TOP6BL: variants seen among roughly 807,000 people sequenced by gnomAD.
The protein encoded by TOP6BL is TOP6B like initiator of meiotic double strand breaks.
At chr11:66,757,231 T>A in the TOP6BL span, among the ~76,000 whole-genome samples, 1 of 152,034 alleles carries the variant, frequency 6.6e-6, no homozygotes, top group Non-Finnish European at 1.5e-5. Context: ...TAATCCCAGC[T>A]ACCCAGGAGG....
chr11:66,843,172 G>C, the TOP6BL span: 1 of 1,611,230 alleles, frequency 6.2e-7, no homozygotes, highest in African/African-American at 1.3e-5. Flanking sequence ...CCCGCAGGAC[G>C]TGCTGTGGCT....
At chr11:66,788,165 C>T in the TOP6BL span, 3 of 1,609,948 alleles carry the variant, frequency 1.9e-6, no homozygotes, top group Non-Finnish European at 2.5e-6. Flanking sequence ...CACAGAAATA[C>T]AGTCCATACT....
chr11:66,782,365 T>C, the TOP6BL span, among the ~76,000 whole-genome samples: 1 of 152,314 alleles, frequency 6.6e-6, no homozygotes, highest in East Asian at 1.9e-4. Flanking sequence ...GGAAATCATA[T>C]GTAGTCTCAC....
chr11:66,758,756 A>G, the TOP6BL span, among the ~76,000 whole-genome samples: 1 of 152,222 alleles, frequency 6.6e-6, no homozygotes, highest in African/African-American at 2.4e-5. Flanking sequence ...TTTTCTGTCA[A>G]GTAGAGTATC....
the TOP6BL span, among the ~76,000 whole-genome samples, chr11:66,795,731 A>ATT: frequency 1.4e-5 from 2 of 145,998 alleles, no homozygotes; most frequent in East Asian, 4.0e-4. Flanking sequence ...TATTTAAGTA[A>ATT]TTTTTTTTTT....
chr11:66,777,619 G>A, the TOP6BL span, among the ~76,000 whole-genome samples: 1 of 152,044 alleles, frequency 6.6e-6, no homozygotes, highest in Non-Finnish European at 1.5e-5. Flanking sequence ...GGCCAGGCGT[G>A]GTGGCTCATA....
the TOP6BL span, chr11:66,762,158 A>G: frequency 1.2e-6 from 1 of 828,718 alleles, no homozygotes; most frequent in Non-Finnish European, 2.1e-6. Flanking sequence ...TTCATCACTC[A>G]GGAAATCAAT....
At chr11:66,749,295 A>T in the TOP6BL span, among the ~76,000 whole-genome samples, 23 of 152,230 alleles carry the variant, frequency 1.5e-4, no homozygotes, top group Non-Finnish European at 3.2e-4. Context: ...CTGCACTCTG[A>T]CTGGCAGGGT....
At chr11:66,747,122 A>G in the TOP6BL span, among the ~76,000 whole-genome samples, 1 of 151,798 alleles carries the variant, frequency 6.6e-6, no homozygotes, top group Non-Finnish European at 1.5e-5. Flanking sequence ...TTTTTAGTAG[A>G]GATGGGGTTT....
At chr11:66,777,765 G>A in the TOP6BL span, among the ~76,000 whole-genome samples, 5 of 151,946 alleles carry the variant, frequency 3.3e-5, no homozygotes, top group East Asian at 1.9e-4. Context: ...CCAGCTACTC[G>A]GGAGGCTGAG....
chr11:66,791,464 T>C, the TOP6BL span, among the ~76,000 whole-genome samples: 1 of 152,328 alleles, frequency 6.6e-6, no homozygotes, highest in East Asian at 1.9e-4. Flanking sequence ...CAAACATATC[T>C]ATATATTTAT....
At chr11:66,754,158 T>G in the TOP6BL span, among the ~76,000 whole-genome samples, 1 of 152,236 alleles carries the variant, frequency 6.6e-6, no homozygotes. Context: ...ATGATGCACC[T>G]GGGTGTGGGT....
the TOP6BL span, among the ~76,000 whole-genome samples, chr11:66,836,392 G>T: frequency 6.6e-6 from 1 of 151,802 alleles, no homozygotes; most frequent in South Asian, 2.1e-4. Context: ...TGTATTTTTA[G>T]TGGAGACGGG....
At chr11:66,799,697 C>T in the TOP6BL span, among the ~76,000 whole-genome samples, 579 of 151,280 alleles carry the variant, frequency 3.8e-3, 2 homozygotes, top group Middle Eastern at 0.044. Context: ...CCAGCCTGGG[C>T]GACAGACTGA....
At chr11:66,822,563 G>A in the TOP6BL span, 1 of 1,541,970 alleles carries the variant, frequency 6.5e-7, no homozygotes, top group Non-Finnish European at 8.8e-7. Flanking sequence ...ATGTTCCCCA[G>A]GCTCAGCAGA....
the TOP6BL span, chr11:66,839,318 C>G: frequency 2.5e-6 from 1 of 402,172 alleles, no homozygotes. Flanking sequence ...AATTGAGGCC[C>G]ACAGATATCA....
At chr11:66,804,167 C>G in the TOP6BL span, 2 of 1,611,226 alleles carry the variant, frequency 1.2e-6, no homozygotes, top group Non-Finnish European at 1.7e-6. Flanking sequence ...TTCCAACCAG[C>G]TTAACAGGAT....
chr11:66,843,416 TG>T, the TOP6BL span: 6 of 1,404,166 alleles, frequency 4.3e-6, no homozygotes, highest in Non-Finnish European at 5.5e-6. Flanking sequence ...CACACCTCCC[TG>T]GGACTGCGTC....
At chr11:66,802,650 A>C in the TOP6BL span, among the ~76,000 whole-genome samples, 1 of 152,170 alleles carries the variant, frequency 6.6e-6, no homozygotes, top group African/African-American at 2.4e-5. Context: ...GCCCAGAGGC[A>C]ACACTAGTAG....
Sources: allele counts gnomAD v4.1 joint callset (sites outside exome capture counted in the v4.1 genomes callset), GRCh38; gene constraint gnomAD v4.1.1; transcripts MANE v1.5; gene names NCBI Gene and HGNC (gene_info 2026-07-23, HGNC 2026-07-21).